The following SCGB3A2 variants were observed in gnomAD, a reference collection of about 807,000 sequenced individuals.
SCGB3A2 encodes secretoglobin family 3A member 2.
SCGB3A2 carries 5 observed loss-of-function variants against 7.7 expected under a neutral mutation model. That is an observed-to-expected ratio of 0.65 (90% CI 0.34 to 1.36). SCGB3A2 has a LOEUF of 1.36. Among genes scored for constraint, SCGB3A2 ranks in the 40% most tolerant of loss-of-function variants. The pLI, the probability that SCGB3A2 is intolerant of heterozygous loss-of-function variation, is 0.04. For synonymous variants in SCGB3A2, 44 were observed against 42.7 expected (o/e 1.03, Z -0.12); for missense variants, 109 against 103.6 (o/e 1.05, Z -0.23).
intron 2 of SCGB3A2, 85 bp downstream of exon 2, chr5:147,881,733 T>G: frequency 4.8e-6 from 5 of 1,051,752 alleles, no homozygotes; most frequent in Non-Finnish European, 7.0e-6. Context: ...CCCTTGTAAA[T>G]GTGCATTTCC....
At chr5:147,880,484 A>T (rs1757329794) in intron 1 of SCGB3A2, among the ~76,000 whole-genome samples, 1 of 152,164 alleles carries the variant, frequency 6.6e-6, no homozygotes, top group Non-Finnish European at 1.5e-5. Context: ...TCTGGGCAGA[A>T]GGCTCACCAT....
chr5:147,879,182 G>A (rs1210563779), intron 1 of SCGB3A2, among the ~76,000 whole-genome samples: 1 of 152,156 alleles, frequency 6.6e-6, no homozygotes, highest in South Asian at 2.1e-4. Flanking sequence ...TTTCACTGCT[G>A]GATATTGGTC....
chr5:147,879,001 C>T (rs1338494508), intron 1 of SCGB3A2, 143 bp downstream of exon 1: 1 of 637,638 alleles, frequency 1.6e-6, no homozygotes, highest in Non-Finnish European at 2.8e-6. Flanking sequence ...TTAACTGACA[C>T]ATAATAATTG....
chr5:147,880,341 G>A (rs1433771217), intron 1 of SCGB3A2, among the ~76,000 whole-genome samples: 2 of 150,718 alleles, frequency 1.3e-5, no homozygotes, highest in Non-Finnish European at 3.0e-5. Context: ...CTGCCCTCAG[G>A]AAAAAAAAAT....
chr5:147,882,016 C>G lies in SCGB3A2; in HGVS notation c.259-11C>G. 6.2e-7 allele frequency: 1 copy of G among 1,613,578 alleles called. No individual in the cohort carries two copies. Among genetic ancestry groups the G allele is most frequent in the African/African-American group, 1.3e-5 (1 of 74,996 alleles). ...AGCTGCTCTAAATTTTGTTGTCCTTCTACATTTCAGGAGGCGCTATCACAC... is the reference window on the plus strand; with the variant it reads ...AGCTGCTCTAAATTTTGTTGTCCTTGTACATTTCAGGAGGCGCTATCACAC... On this transcript the variant is annotated splice_polypyrimidine_tract_variant and intron_variant, in intron 2 of 2. Coordinates refer to ENST00000296694, the MANE Select transcript of SCGB3A2 (RefSeq NM_054023.5).
At position 147,882,023 on chromosome 5, in the gene SCGB3A2, T is replaced by C; in HGVS notation, c.259-4T>C. 5 of 1,613,780 alleles carry C rather than the reference T, an allele frequency of 3.1e-6. No individual in the cohort carries two copies. The highest frequency in any genetic ancestry group is 4.2e-6 in the Non-Finnish European group (5 of 1,179,778). On this transcript the variant is annotated splice_polypyrimidine_tract_variant and splice_region_variant and intron_variant, in intron 2 of 2. Coordinates refer to ENST00000296694, the MANE Select transcript of SCGB3A2 (RefSeq NM_054023.5). Reference sequence around the variant, plus strand: ...CTAAATTTTGTTGTCCTTCTACATTTCAGGAGGCGCTATCACACTTGGTGT... The same window carrying C: ...CTAAATTTTGTTGTCCTTCTACATTCCAGGAGGCGCTATCACACTTGGTGT...
chr5:147,881,593 G>C lies in SCGB3A2; in HGVS notation c.203G>C (p.Arg68Thr). The C allele has an allele frequency of 6.2e-7, 1 of 1,613,986 alleles. No homozygotes were observed. The highest frequency in any genetic ancestry group is 8.5e-7 in the Non-Finnish European group (1 of 1,179,914). Reference sequence around the variant, plus strand: ...GTTGAGCACCTTGTGGAGGGGCTAAGGAAGTGTGTAAATGAGCTGGGACCA... The same window carrying C: ...GTTGAGCACCTTGTGGAGGGGCTAACGAAGTGTGTAAATGAGCTGGGACCA... ...ISVEHLVEGL[R>T]KCVNELGPEA... The change falls in exon 2 of 3, where the codon AGG becomes ACG. Residue 68 changes from arginine (R) to threonine (T), a missense_variant. Arg to Thr is a moderately conservative substitution (Grantham distance 71, BLOSUM62 -1). Transcript: ENST00000296694.
At chr5:147,880,298 A>T (rs966113911) in intron 1 of SCGB3A2, among the ~76,000 whole-genome samples, 5 of 152,078 alleles carry the variant, frequency 3.3e-5, no homozygotes, top group Non-Finnish European at 7.4e-5. Flanking sequence ...ATAAAACGTA[A>T]TTTTCCTATG....
intron 2 of SCGB3A2, 35 bp downstream of exon 2, chr5:147,881,683 G>T: frequency 6.5e-7 from 1 of 1,537,040 alleles, no homozygotes; most frequent in Non-Finnish European, 9.0e-7. Flanking sequence ...CTGCCAAAGG[G>T]GAGGCATACT....
In SCGB3A2 at chr5:147,878,931, G is replaced by GC. The variant is rs1433748065; in HGVS notation, c.55+75dup. ...CTGTTAATAAGAGCACAACTAGTAA[G>GC]CCTTGCCTCACTGACAGTGGAATAT... On this transcript the variant is annotated intron_variant, in intron 1 of 2. Coordinates refer to ENST00000296694, the MANE Select transcript of SCGB3A2 (RefSeq NM_054023.5). The GC allele has an allele frequency of 1.3e-5, 14 of 1,072,008 alleles. No homozygotes were observed. In the African/African-American group the frequency reaches 2.0e-4, roughly 15 times the overall value. 66.4% of individuals were successfully genotyped at this position (1,072,008 alleles called of 1,614,324 possible).
At chr5:147,879,277 A>G (rs1757309453) in intron 1 of SCGB3A2, among the ~76,000 whole-genome samples, 1 of 152,206 alleles carries the variant, frequency 6.6e-6, no homozygotes. Flanking sequence ...ATATGGAGTC[A>G]TTCTTGCTAT....
At position 147,882,040 on chromosome 5, in the gene SCGB3A2, A is replaced by C. The variant is rs775608570; in HGVS notation, c.272A>C (p.His91Pro). 1 of 1,613,760 alleles carries C rather than the reference A, an allele frequency of 6.2e-7. No individual in the cohort carries two copies. Among genetic ancestry groups the C allele is most frequent in the Non-Finnish European group, 8.5e-7 (1 of 1,179,836 alleles). Reference protein sequence around the residue: ...AVKKLLEALSHLV With the variant: ...AVKKLLEALSPLV Reference sequence around the variant, plus strand: ...TCTACATTTCAGGAGGCGCTATCACACTTGGTGTGACATCAAGATAAAGAG... The same window carrying C: ...TCTACATTTCAGGAGGCGCTATCACCCTTGGTGTGACATCAAGATAAAGAG... Residue 91 changes from histidine (H) to proline (P), a missense_variant, in exon 3 of 3, where the codon CAC (histidine) becomes CCC (proline). By Grantham distance (77) the His-to-Pro change is moderately conservative. Transcript: ENST00000296694.
At position 147,881,482 on chromosome 5, in the gene SCGB3A2, T is replaced by C; in HGVS notation, c.92T>C (p.Val31Ala). The change falls in exon 2 of 3, where the codon GTT (valine) becomes GCT (alanine). Residue 31 changes from valine to alanine, a missense_variant. Coordinates refer to ENST00000296694, the MANE Select transcript of SCGB3A2 (RefSeq NM_054023.5). ...AFLINKVPLPVDKLAPLPLDN... is the reference protein window; with the variant it reads ...AFLINKVPLPADKLAPLPLDN... Reference sequence around the variant, plus strand: ...CTCATCAACAAAGTGCCCCTTCCTGTTGACAAGTTGGCACCTTTACCTCTG... The same window carrying C: ...CTCATCAACAAAGTGCCCCTTCCTGCTGACAAGTTGGCACCTTTACCTCTG... 6.2e-7 allele frequency: 1 copy of C among 1,614,078 alleles called. No homozygotes were observed. The highest frequency in any genetic ancestry group is 8.5e-7 in the Non-Finnish European group (1 of 1,179,928).
chr5:147,881,613 G>A lies in SCGB3A2; in HGVS notation c.223G>A (p.Gly75Arg). The A allele has an allele frequency of 6.2e-7, 1 of 1,613,806 alleles. No individual in the cohort carries two copies. Among genetic ancestry groups the A allele is most frequent in the Non-Finnish European group, 8.5e-7 (1 of 1,179,884 alleles). Residue 75 changes from glycine to arginine, a missense_variant, in exon 2 of 3, where the codon GGA (glycine) becomes AGA (arginine). Transcript: ENST00000296694. ...EGLRKCVNEL[G>R]PEASEAVKKL... Reference sequence around the variant, plus strand: ...GCTAAGGAAGTGTGTAAATGAGCTGGGACCAGAGGCTTCTGAAGCTGTGAA... The same window carrying A: ...GCTAAGGAAGTGTGTAAATGAGCTGAGACCAGAGGCTTCTGAAGCTGTGAA...
In SCGB3A2 at chr5:147,882,066, C is replaced by T. The variant is rs138922986; in HGVS notation, c.*16C>T. ...CTTGGTGTGACATCAAGATAAAGAG[C>T]GGAGGTGGATGGGGATGGAAGATGA... On this transcript the variant is annotated 3_prime_UTR_variant, in exon 3 of 3. Transcript: ENST00000296694. 4.9e-4 allele frequency: 798 copies of T among 1,613,330 alleles called. 3 individuals carry two copies. The African/African-American group carries it at 9.4e-3, about 19-fold the overall frequency.
At position 147,881,762 on chromosome 5, in the gene SCGB3A2, A is replaced by G. The variant is rs1371541125; in HGVS notation, c.258+114A>G. 3.1e-5 allele frequency: 28 copies of G among 889,278 alleles called. No homozygotes were observed. In the East Asian group the frequency reaches 6.9e-4, roughly 22 times the overall value. 55.1% of individuals were successfully genotyped at this position (889,278 alleles called of 1,614,324 possible). A position where few individuals can be genotyped will look rare whatever the true frequency, so the allele number is the denominator to read the frequency against. Reference sequence around the variant, plus strand: ...CATTTCCACTTTACTGATTATATTCATAGGAAGTTTGCACATCCTGGAATC... The same window carrying G: ...CATTTCCACTTTACTGATTATATTCGTAGGAAGTTTGCACATCCTGGAATC... On this transcript the variant is annotated intron_variant, in intron 2 of 2. Transcript: ENST00000296694.
Position 147,882,184 on chromosome 5 carries a change from T to C in SCGB3A2, c.*134T>C, listed in dbSNP as rs1330564749. The stretch of plus-strand genomic sequence containing the variant: ...CCCGTGAAAAGGACAAATAAAGCAA[T>C]GAATACATTTTCAGTCGTCCTATTT... On this transcript the variant is annotated 3_prime_UTR_variant, in exon 3 of 3. Coordinates refer to ENST00000296694, the MANE Select transcript of SCGB3A2 (RefSeq NM_054023.5). 1.2e-6 allele frequency: 1 copy of C among 859,962 alleles called. No individual in the cohort carries two copies. Among genetic ancestry groups the C allele is most frequent in the South Asian group, 1.4e-5 (1 of 69,618 alleles). The allele number at this position is 859,962 out of a possible 1,614,324, so 53.3% of individuals were successfully genotyped here.
rs1460766836 is a variant in SCGB3A2 at position 147,878,965 on chromosome 5, G to C, written c.55+107G>C. On this transcript the variant is annotated intron_variant, in intron 1 of 2. Coordinates refer to ENST00000296694, the MANE Select transcript of SCGB3A2 (RefSeq NM_054023.5). ...CACTGACAGTGGAATATGGTGGTAG[G>C]AATTGTATTTTTTTTTATTTTACTT... The C allele has an allele frequency of 4.0e-6, 3 of 747,960 alleles. No individual in the cohort carries two copies. The Admixed American group carries it at 6.4e-5, about 16-fold the overall frequency. The allele number at this position is 747,960 out of a possible 1,614,324, so 46.3% of individuals were successfully genotyped here. A position where few individuals can be genotyped will look rare whatever the true frequency, so the allele number is the denominator to read the frequency against.
intron 1 of SCGB3A2, among the ~76,000 whole-genome samples, chr5:147,880,319 G>T (rs1337523133): frequency 6.6e-6 from 1 of 152,080 alleles, no homozygotes; most frequent in Non-Finnish European, 1.5e-5. Flanking sequence ...TAAAAGCCTT[G>T]ATAGCGCCCC....
Sources: allele counts gnomAD v4.1 joint callset (sites outside exome capture counted in the v4.1 genomes callset), GRCh38; gene constraint gnomAD v4.1.1; transcripts MANE v1.5; gene names NCBI Gene and HGNC (gene_info 2026-07-23, HGNC 2026-07-21).